Variants in SIRPB1 observed in about 807,000 individuals in gnomAD.
The protein encoded by SIRPB1 is signal regulatory protein beta 1.
SIRPB1 carries 28 observed loss-of-function variants against 34.1 expected under a neutral mutation model. That is an observed-to-expected ratio of 0.82 (90% CI 0.61 to 1.12). SIRPB1 has a LOEUF of 1.12. SIRPB1 is among the 50% of genes most tolerant of loss of function. The pLI, the probability that SIRPB1 is intolerant of heterozygous loss-of-function variation, is 0.00. For synonymous variants in SIRPB1, 211 were observed against 203.8 expected (o/e 1.04, Z -0.30); for missense variants, 499 against 507.0 (o/e 0.98, Z 0.15).
intron 2 of SIRPB1, 151 bp downstream of exon 2, chr20:1,578,187 C>G (rs2091344881): frequency 1.2e-6 from 1 of 868,970 alleles, no homozygotes; most frequent in Non-Finnish European, 1.8e-6. Context: ...CAAGCCTCAA[C>G]TCATGTGATC....
chr20:1,615,848 T>A (rs1342112870), intron 1 of SIRPB1, among the ~76,000 whole-genome samples: 1 of 152,224 alleles, frequency 6.6e-6, no homozygotes, highest in Non-Finnish European at 1.5e-5. Flanking sequence ...ACACATACCT[T>A]ATTTTATTTT....
chr20:1,576,236 T>A lies in SIRPB1; in HGVS notation c.433+2102A>T, dbSNP rs2422633. On this transcript the variant is annotated intron_variant, in intron 2 of 5. Transcript: ENST00000381605. ...GCCAATATTATCTGCACAATCAGGA[T>A]AAAGCCACCTTCCTTGTCTAAGTTC... 1.8e-4 allele frequency among the ~76,000 whole-genome samples: 27 copies of A among 148,146 alleles called. 1 individual carries two copies. Among genetic ancestry groups the A allele is most frequent in the Non-Finnish European group, 2.6e-4 (17 of 66,094 alleles).
intron 1 of SIRPB1, among the ~76,000 whole-genome samples, chr20:1,614,108 A>C (rs1330174680): frequency 6.6e-6 from 1 of 152,236 alleles, no homozygotes; most frequent in Non-Finnish European, 1.5e-5. Context: ...AAAATGTTGA[A>C]AGAGGAAAAA....
In SIRPB1 at chr20:1,577,096, A is replaced by T. The variant is rs192412948; in HGVS notation, c.433+1242T>A. Among the ~76,000 whole-genome samples the T allele has an allele frequency of 6.7e-4, 100 of 148,430 alleles. 3 individuals carry two copies. The highest frequency in any genetic ancestry group is 2.2e-3 in the African/African-American group (90 of 40,954). On this transcript the variant is annotated intron_variant, in intron 2 of 5. Coordinates refer to ENST00000381605, the MANE Select transcript of SIRPB1 (RefSeq NM_006065.5). ...ATCTCGATATGAAATGACAGGGCTT[A>T]CATTTGGGAGAAGTTTTCTAGTCAC... is the stretch of plus-strand genomic sequence containing the variant.
chr20:1,617,887 C>T lies in SIRPB1; in HGVS notation c.76+1982G>A, dbSNP rs572070718. ...AAACAATGATAAAAAATGAAATCTC[C>T]TGTGTGTGCATGTACACTTACTTAT... On this transcript the variant is annotated intron_variant, in intron 1 of 5. Coordinates refer to ENST00000381605, the MANE Select transcript of SIRPB1 (RefSeq NM_006065.5). 7.2e-5 allele frequency among the ~76,000 whole-genome samples: 11 copies of T among 152,128 alleles called. No homozygotes were observed. In the South Asian group the frequency reaches 1.9e-3, roughly 26 times the overall value.
chr20:1,594,199 G>A (rs111574569), intron 1 of SIRPB1, among the ~76,000 whole-genome samples: 1 of 48,186 alleles, frequency 2.1e-5, no homozygotes, highest in South Asian at 7.6e-4. Context: ...GCGAAACTCC[G>A]TCTCAAAAAA....
At chr20:1,572,155 G>A (rs558760256) in intron 2 of SIRPB1, 118 bp from the exon 3 acceptor site, 9 of 1,468,594 alleles carry the variant, frequency 6.1e-6, no homozygotes, top group South Asian at 1.3e-5. Context: ...TAATAATGTC[G>A]TGAAGGCAGT....
rs1275744950 is a variant in SIRPB1, at chr20:1,566,207, AG to A, written c.1144del (p.Leu382TyrfsTer19). 1.2e-6 allele frequency: 2 copies of A among 1,612,436 alleles called. No homozygotes were observed. ...GATGGCAGAGACACCAACCACCAGT[AG>A]CAGCTTGGGGCCCAGGAGGAGAGCT... is the stretch of plus-strand genomic sequence containing the variant. ...LVALLLGPKL[L>X]LVVGVSAIYI... is the part of the protein sequence containing the mutation. On this transcript the variant is annotated frameshift_variant, in exon 5 of 6. Coordinates refer to ENST00000381605, the MANE Select transcript of SIRPB1 (RefSeq NM_006065.5). LOFTEE classifies it high-confidence loss of function.
chr20:1,570,691 A>T lies in SIRPB1; in HGVS notation c.1084+114T>A. 3 of 901,768 alleles carry T rather than the reference A, an allele frequency of 3.3e-6. No individual in the cohort carries two copies. In the South Asian group the frequency reaches 5.0e-5, roughly 15 times the overall value. 55.9% of individuals were successfully genotyped at this position (901,768 alleles called of 1,614,324 possible). ...CATGGAGTGTAGGATTTTAATGTAG[A>T]CGTTAAAATTCTACTTTATATTTAT... On this transcript the variant is annotated intron_variant, in intron 4 of 5. Coordinates refer to ENST00000381605, the MANE Select transcript of SIRPB1 (RefSeq NM_006065.5).
chr20:1,596,310 A>C lies in SIRPB1; in HGVS notation c.77-17616T>G, dbSNP rs1327317319. Among the ~76,000 whole-genome samples the C allele has an allele frequency of 1.2e-4, 6 of 49,622 alleles. 3 individuals carry two copies. The highest frequency in any genetic ancestry group is 2.7e-4 in the Admixed American group (2 of 7,402). 32.6% of individuals were successfully genotyped at this position (49,622 alleles called of 152,430 possible). A position where few individuals can be genotyped will look rare whatever the true frequency, so the allele number is the denominator to read the frequency against. On this transcript the variant is annotated intron_variant, in intron 1 of 5. Coordinates refer to ENST00000381605, the MANE Select transcript of SIRPB1 (RefSeq NM_006065.5). The stretch of plus-strand genomic sequence containing the variant: ...CAACTATCCTTGCTATGTTTTACAA[A>C]GAAATAATAATTTAATCCTCAATGT...
chr20:1,563,737 A>C lies in SIRPB1; in HGVS notation c.*1763T>G, dbSNP rs1353778218. ...TTCTTCACATGGTGGCAGGAGGGAG[A>C]GAGAGAGAGAGAGCGAAGGGGGACT... On this transcript the variant is annotated 3_prime_UTR_variant, in exon 6 of 6. Coordinates refer to ENST00000381605, the MANE Select transcript of SIRPB1 (RefSeq NM_006065.5). The C allele has an allele frequency of 6.6e-6, 1 of 151,460 alleles. No homozygotes were observed. The highest frequency in any genetic ancestry group is 1.5e-5 in the Non-Finnish European group (1 of 68,016). 9.4% of individuals were successfully genotyped at this position (151,460 alleles called of 1,614,324 possible).
At chr20:1,571,673 G>C (rs780561538) in intron 3 of SIRPB1, 47 bp downstream of exon 3, 1 of 1,613,404 alleles carries the variant, frequency 6.2e-7, no homozygotes, top group South Asian at 1.1e-5. Context: ...AGGGGAGTGG[G>C]CTTGGCAGCC....
At chr20:1,566,407 C>T in intron 4 of SIRPB1, 140 bp from the exon 5 acceptor site, 1 of 561,504 alleles carries the variant, frequency 1.8e-6, no homozygotes, top group South Asian at 2.2e-5. Context: ...TCTGGCTTTC[C>T]TGACTCCAGC....
rs2091240839 is a variant in SIRPB1 at position 1,571,727 on chromosome 20, G to A, written c.744C>T (p.Ala248=). Residue 248 remains alanine (A), a synonymous_variant, in exon 3 of 6, where the codon GCC becomes GCT. Coordinates refer to ENST00000381605, the MANE Select transcript of SIRPB1 (RefSeq NM_006065.5). ...PLRGTANLSE[A]IRVPPTLEVT... is the part of the protein sequence containing the mutation. The stretch of plus-strand genomic sequence containing the variant: ...GGTGTGAGGGTCTTCTACCTCGGAT[G>A]GCCTCAGACAAGTTGGCAGTCCCAC... 3.7e-6 allele frequency: 6 copies of A among 1,614,074 alleles called. No homozygotes were observed. In the African/African-American group the frequency reaches 6.7e-5, roughly 18 times the overall value.
At position 1,610,453 on chromosome 20, in the gene SIRPB1, G is replaced by A. The variant is rs1355692966; in HGVS notation, c.76+9416C>T. 5.5e-5 allele frequency among the ~76,000 whole-genome samples: 4 copies of A among 72,548 alleles called. 2 individuals are homozygous for A. Among genetic ancestry groups the A allele is most frequent in the Non-Finnish European group, 1.0e-4 (4 of 38,558 alleles). 47.6% of individuals were successfully genotyped at this position (72,548 alleles called of 152,430 possible). Reference sequence around the variant, plus strand: ...GGGGGTTGGGCTGGATGGTCTGAAGGTCCTTCCTGTGCTGACATTCCATAA... The same window carrying A: ...GGGGGTTGGGCTGGATGGTCTGAAGATCCTTCCTGTGCTGACATTCCATAA... On this transcript the variant is annotated intron_variant, in intron 1 of 5. Coordinates refer to ENST00000381605, the MANE Select transcript of SIRPB1 (RefSeq NM_006065.5).
chr20:1,571,594 G>A (rs2091237730), intron 3 of SIRPB1, 126 bp downstream of exon 3: 2 of 1,382,224 alleles, frequency 1.4e-6, no homozygotes, highest in South Asian at 1.3e-5. Flanking sequence ...GCTCACCTAG[G>A]TGCATGGGAG....
chr20:1,578,985 T>G (rs1215234013), intron 1 of SIRPB1, among the ~76,000 whole-genome samples: 1 of 148,110 alleles, frequency 6.8e-6, no homozygotes, highest in Non-Finnish European at 1.5e-5. Context: ...TCTTGCTCTG[T>G]CTGCTGCCCA....
intron 2 of SIRPB1, among the ~76,000 whole-genome samples, chr20:1,572,461 G>A (rs1268370440): frequency 6.6e-6 from 1 of 151,342 alleles, no homozygotes; most frequent in African/African-American, 2.4e-5. Flanking sequence ...CACCGTGAGA[G>A]CTGCAACCAG....
At position 1,610,336 on chromosome 20, in the gene SIRPB1, T is replaced by TA. The variant is rs1372693802; in HGVS notation, c.76+9532dup. ...AGGAAGGAGACTGCCACGATTCAGATATGGACTCTGGCTCCAATTCTGCCA... is the reference window on the plus strand; with the variant it reads ...AGGAAGGAGACTGCCACGATTCAGATAATGGACTCTGGCTCCAATTCTGCCA... On this transcript the variant is annotated intron_variant, in intron 1 of 5. Transcript: ENST00000381605. Among the ~76,000 whole-genome samples, 136 of 72,618 alleles carry TA rather than the reference T, an allele frequency of 1.9e-3. 59 individuals carry two copies. Among genetic ancestry groups the TA allele is most frequent in the African/African-American group, 0.012 (133 of 11,512 alleles). 47.6% of individuals were successfully genotyped at this position (72,618 alleles called of 152,430 possible).
Sources: gnomAD v4.1 joint callset for allele counts (sites outside exome capture counted in the v4.1 genomes callset) on GRCh38, gnomAD v4.1.1 for gene constraint, MANE v1.5 for transcripts, NCBI Gene and HGNC (gene_info 2026-07-23, HGNC 2026-07-21) for gene names.